WNK3: variants seen among roughly 807,000 people sequenced by gnomAD.
The protein encoded by WNK3 is serine/threonine-protein kinase WNK3.
WNK3 carries 18 observed loss-of-function variants against 116.7 expected under a neutral mutation model. The ratio of observed to expected loss-of-function variants is 0.15; its 90% CI spans 0.11 to 0.23. The LOEUF is 0.23. Among genes scored for constraint, WNK3 ranks in the 10% least tolerant of loss-of-function variants. WNK3 has a pLI of 1.00. For synonymous variants in WNK3, 404 were observed against 469.4 expected (o/e 0.86, Z 1.80); for missense variants, 993 against 1,323.8 (o/e 0.75, Z 3.88).
intron 17 of WNK3, among the ~76,000 whole-genome samples, chrX:54,241,172 G>C (rs1371604277): frequency 9.0e-6 from 1 of 111,660 alleles, no homozygotes; most frequent in Non-Finnish European, 1.9e-5. Context: ...CAGGAAGAAA[G>C]GTAAGCCCTC....
chrX:54,202,200 G>A lies in WNK3; in HGVS notation c.4871-7C>T, dbSNP rs1557141820. ...CTCTCCACACACAGTGGATCTATAA[G>A]ACAAAAAAAACAACAACAGGGAAAC... On this transcript the variant is annotated splice_region_variant and splice_polypyrimidine_tract_variant and intron_variant, in intron 22 of 23. Transcript: ENST00000354646. 3.4e-6 allele frequency: 4 copies of A among 1,176,591 alleles called. No homozygotes were observed. Among genetic ancestry groups the A allele is most frequent in the Middle Eastern group, 2.4e-4 (1 of 4,232 alleles).
At chrX:54,241,357 A>C (rs2068020122) in intron 17 of WNK3, among the ~76,000 whole-genome samples, 1 of 112,151 alleles carries the variant, frequency 8.9e-6, no homozygotes, top group Non-Finnish European at 1.9e-5. Context: ...AGTGAAAAAG[A>C]AGAGAACACA....
At chrX:54,234,839 A>T (rs782299169) in intron 20 of WNK3, among the ~76,000 whole-genome samples, 1 of 110,206 alleles carries the variant, frequency 9.1e-6, no homozygotes, top group African/African-American at 3.3e-5. Flanking sequence ...AAAAAAAAAA[A>T]CCAAAAAAAC....
intron 10 of WNK3, among the ~76,000 whole-genome samples, chrX:54,283,170 G>A (rs782608681): frequency 1.4e-4 from 16 of 112,147 alleles, no homozygotes; most frequent in Non-Finnish European, 2.4e-4. Context: ...GGGGTTAGGC[G>A]CAGTGGCTCA....
chrX:54,255,169 G>A (rs782032700), intron 12 of WNK3, among the ~76,000 whole-genome samples: 1 of 110,812 alleles, frequency 9.0e-6, no homozygotes, highest in East Asian at 2.8e-4. Flanking sequence ...TAATAGAGAC[G>A]GGGTTTTATC....
chrX:54,275,415 ATGTGTGTGTGTGTGTGTGTGTGTGTG>A (rs782672834), intron 10 of WNK3, among the ~76,000 whole-genome samples: 12 of 64,417 alleles, frequency 1.9e-4, no homozygotes, highest in African/African-American at 2.2e-4. Flanking sequence ...ATAAGTTCAT[ATGTGTGTGTGTGTGTGTGTGTGTGTG>A]TGTGTGTGTG....
rs1005979630 is a variant in WNK3, at chrX:54,306,245, T to C, written c.1089+1677A>G. On this transcript the variant is annotated intron_variant, in intron 5 of 23. Coordinates refer to ENST00000354646, the Ensembl canonical transcript of WNK3. Reference sequence around the variant, plus strand: ...GCTGTTATGGAAAATGGTATGGAACTTCCCCAAAAAAACTAAAAACAGAAC... The same window carrying C: ...GCTGTTATGGAAAATGGTATGGAACCTCCCCAAAAAAACTAAAAACAGAAC... 2.7e-5 allele frequency among the ~76,000 whole-genome samples: 3 copies of C among 110,707 alleles called. No individual in the cohort carries two copies. In the East Asian group the frequency reaches 8.5e-4, roughly 31 times the overall value.
chrX:54,330,434 G>A (rs781843497), intron 2 of WNK3, among the ~76,000 whole-genome samples: 11 of 111,410 alleles, frequency 9.9e-5, no homozygotes, highest in African/African-American at 2.6e-4. Context: ...GCACACATCC[G>A]CAGTCCCAGC....
chrX:54,274,521 A>G (rs1016549418), intron 10 of WNK3, among the ~76,000 whole-genome samples: 7 of 111,879 alleles, frequency 6.3e-5, no homozygotes, highest in African/African-American at 2.3e-4. Context: ...CTTCTCAAGG[A>G]CATCACTACG....
intron 1 of WNK3, among the ~76,000 whole-genome samples, chrX:54,339,385 A>T (rs1274213452): frequency 9.0e-6 from 1 of 111,400 alleles, no homozygotes; most frequent in East Asian, 2.8e-4. Flanking sequence ...CAAAATAGAC[A>T]TTCTTTTCAA....
At chrX:54,265,961 G>A (rs782025246) in intron 10 of WNK3, among the ~76,000 whole-genome samples, 16 of 110,904 alleles carry the variant, frequency 1.4e-4, no homozygotes, top group South Asian at 3.9e-4. Context: ...GCAGCGAGCC[G>A]AGATCGTGCC....
intron 10 of WNK3, among the ~76,000 whole-genome samples, chrX:54,263,628 G>A (rs2068279800): frequency 9.0e-6 from 1 of 111,521 alleles, no homozygotes; most frequent in Non-Finnish European, 1.9e-5. Context: ...CCAAAGCTGG[G>A]CGAGATTAAA....
chrX:54,228,467 T>G (rs2146831309), intron 22 of WNK3, among the ~76,000 whole-genome samples: 1 of 111,136 alleles, frequency 9.0e-6, no homozygotes, highest in Non-Finnish European at 1.9e-5. Flanking sequence ...AGAAAGCAGA[T>G]TTGTGGTTGC....
chrX:54,282,676 T>C (rs782085900), intron 10 of WNK3, among the ~76,000 whole-genome samples: 13 of 111,647 alleles, frequency 1.2e-4, no homozygotes, highest in African/African-American at 4.2e-4. Flanking sequence ...CATACTTTTA[T>C]GGTGAATTGA....
chrX:54,316,240 T>TAAAAAG (rs1188260806), intron 2 of WNK3, among the ~76,000 whole-genome samples: 1 of 110,490 alleles, frequency 9.1e-6, no homozygotes, highest in Non-Finnish European at 1.9e-5. Flanking sequence ...AGTATCCTTA[T>TAAAAAG]AAAAAGAGAT....
At chrX:54,262,778 A>G (rs1183840040) in intron 10 of WNK3, among the ~76,000 whole-genome samples, 4 of 109,594 alleles carry the variant, frequency 3.6e-5, no homozygotes, top group African/African-American at 1.3e-4. Flanking sequence ...CTAAAAATAC[A>G]AAAATTAGCT....
At position 54,298,143 on chromosome X, in the gene WNK3, A is replaced by G. The variant is rs782671823; in HGVS notation, c.1398+32T>C. 3 of 916,390 alleles carry G rather than the reference A, an allele frequency of 3.3e-6. No individual in the cohort carries two copies. In the Admixed American group the frequency reaches 6.6e-5, roughly 20 times the overall value. 75.5% of individuals were successfully genotyped at this position (916,390 alleles called of 1,213,427 possible). A position where few individuals can be genotyped will look rare whatever the true frequency, so the allele number is the denominator to read the frequency against. ...AAGGAATGAACTCTGATACAATAAGAGGTGAGGGGAATAGTGGTATGATTA... is the reference window on the plus strand; with the variant it reads ...AAGGAATGAACTCTGATACAATAAGGGGTGAGGGGAATAGTGGTATGATTA... On this transcript the variant is annotated intron_variant, in intron 7 of 23. Coordinates refer to ENST00000354646, the Ensembl canonical transcript of WNK3.
chrX:54,313,556 G>C (rs1370547815), intron 2 of WNK3, among the ~76,000 whole-genome samples: 6 of 109,819 alleles, frequency 5.5e-5, no homozygotes, highest in Non-Finnish European at 7.6e-5. Context: ...CTCCATGTTG[G>C]TCAGGATGAT....
chrX:54,310,866 A>G (rs1221403349), intron 3 of WNK3, among the ~76,000 whole-genome samples: 1 of 110,366 alleles, frequency 9.1e-6, no homozygotes, highest in African/African-American at 3.3e-5. Context: ...AGTAGCTGGG[A>G]CTACAGGTGT....
Sources: gnomAD v4.1 joint callset for allele counts (sites outside exome capture counted in the v4.1 genomes callset) on GRCh38, gnomAD v4.1.1 for gene constraint, MANE v1.5 for transcripts, NCBI Gene and HGNC (gene_info 2026-07-23, HGNC 2026-07-21) for gene names.